SLC44A2: variants seen among roughly 807,000 people sequenced by gnomAD.
The protein encoded by SLC44A2 is solute carrier family 44 member 2 (CTL2 blood group).
In SLC44A2, 57 loss-of-function variants were observed where a neutral mutation model predicts 90.8. That is an observed-to-expected ratio of 0.63 (90% CI 0.51 to 0.78). The LOEUF (loss-of-function observed/expected upper bound fraction) is 0.78, where lower values mean the gene tolerates loss of function less well. Ranked by LOEUF, SLC44A2 falls within the 30% of genes least tolerant of loss-of-function variation. The pLI, the probability that SLC44A2 is intolerant of heterozygous loss-of-function variation, is 0.00. For missense variants in SLC44A2, 794 were observed against 919.7 expected (o/e 0.86, Z 1.77); for synonymous variants, 355 against 360.7 (o/e 0.98, Z 0.18).
chr19:10,617,084 G>A (rs2066861308), intron 1 of SLC44A2, among the ~76,000 whole-genome samples: 1 of 151,942 alleles, frequency 6.6e-6, no homozygotes, highest in Admixed American at 6.6e-5. Flanking sequence ...ACCACGCCCG[G>A]CTAATTTTTG....
At chr19:10,607,503 G>A (rs1599566720) in intron 1 of SLC44A2, among the ~76,000 whole-genome samples, 2 of 147,688 alleles carry the variant, frequency 1.4e-5, no homozygotes, top group African/African-American at 2.5e-5. Context: ...GGTGTGTGCC[G>A]TGATACTCAA....
At chr19:10,629,505 T>A (rs2066970901) in intron 4 of SLC44A2, among the ~76,000 whole-genome samples, 1 of 151,650 alleles carries the variant, frequency 6.6e-6, no homozygotes, top group Admixed American at 6.6e-5. Flanking sequence ...CTCGAACTCC[T>A]GACCTCAGGT....
At chr19:10,616,737 C>T (rs2066857969) in intron 1 of SLC44A2, among the ~76,000 whole-genome samples, 1 of 151,522 alleles carries the variant, frequency 6.6e-6, no homozygotes, top group Non-Finnish European at 1.5e-5. Context: ...TGGTGGTGGG[C>T]GCCTGTCTCA....
chr19:10,609,309 T>A (rs896255278), intron 1 of SLC44A2, among the ~76,000 whole-genome samples: 1 of 149,986 alleles, frequency 6.7e-6, no homozygotes, highest in African/African-American at 2.5e-5. Flanking sequence ...TGCTTTTTTC[T>A]TTTTTTTCAA....
intron 10 of SLC44A2, 34 bp downstream of exon 10, chr19:10,632,190 T>A: frequency 6.4e-7 from 1 of 1,560,152 alleles, no homozygotes; most frequent in Middle Eastern, 1.9e-4. Context: ...TTCTCTTTCC[T>A]GAATCCGCAC....
Position 10,638,546 on chromosome 19 carries a change from C to T in SLC44A2, c.1929+231C>T, listed in dbSNP as rs1034954836. 2.6e-5 allele frequency among the ~76,000 whole-genome samples: 4 copies of T among 151,982 alleles called. 1 individual carries two copies. Among genetic ancestry groups the T allele is most frequent in the Admixed American group, 2.0e-4 (3 of 15,228 alleles). ...GCAACCTCTGCCTTCCGGGTTCAAG[C>T]GAATTCTCGAGCTTTTGCCTCCCGA... On this transcript the variant is annotated intron_variant, in intron 20 of 21. Transcript: ENST00000335757.
intron 1 of SLC44A2, among the ~76,000 whole-genome samples, chr19:10,608,360 C>T (rs904556419): frequency 1.3e-5 from 2 of 151,990 alleles, no homozygotes; most frequent in African/African-American, 4.8e-5. Flanking sequence ...CCATGGCGCC[C>T]AGCACAATCT....
At chr19:10,630,296 G>A (rs2066979819) in intron 4 of SLC44A2, among the ~76,000 whole-genome samples, 1 of 151,896 alleles carries the variant, frequency 6.6e-6, no homozygotes, top group Non-Finnish European at 1.5e-5. Flanking sequence ...GCTGCAGTGA[G>A]CCAAGATTGT....
intron 21 of SLC44A2, chr19:10,643,039 G>T: frequency 6.6e-7 from 1 of 1,508,280 alleles, no homozygotes; most frequent in African/African-American, 1.4e-5. Context: ...AGACTGGCGT[G>T]GGGGCCAGGT....
chr19:10,620,174 TCAAAAA>T (rs2066886122), intron 1 of SLC44A2, among the ~76,000 whole-genome samples: 1 of 150,958 alleles, frequency 6.6e-6, no homozygotes, highest in Admixed American at 6.6e-5. Context: ...AGGCTTTGTC[TCAAAAA>T]CAAAAACAAA....
At chr19:10,627,022 A>G (rs1379083011) in intron 2 of SLC44A2, among the ~76,000 whole-genome samples, 1 of 151,932 alleles carries the variant, frequency 6.6e-6, no homozygotes, top group East Asian at 1.9e-4. Flanking sequence ...AAAAAAAATA[A>G]CAAAAAAATA....
In SLC44A2 at chr19:10,636,447, T is replaced by C; in HGVS notation, c.1358T>C (p.Phe453Ser). The C allele has an allele frequency of 6.2e-7, 1 of 1,614,008 alleles. No individual in the cohort carries two copies. The highest frequency in any genetic ancestry group is 8.5e-7 in the Non-Finnish European group (1 of 1,180,026). Reference sequence around the variant, plus strand: ...CTGCAGATCTTCAATGCCTTCATGTTCTTCTGGTTGGCCAACTTCGTGCTG... The same window carrying C: ...CTGCAGATCTTCAATGCCTTCATGTCCTTCTGGTTGGCCAACTTCGTGCTG... ...LGLQIFNAFM[F>S]FWLANFVLAL... Residue 453 changes from phenylalanine to serine, a missense_variant, in exon 15 of 22, where the codon TTC becomes TCC. By Grantham distance (155) the Phe-to-Ser change is radical. Around this residue, in one of 3 missense-constraint regions of SLC44A2, gnomAD observed 738 missense variants for 841.1 expected, o/e 0.88. Coordinates refer to ENST00000335757, the MANE Select transcript of SLC44A2 (RefSeq NM_020428.4).
At chr19:10,620,041 A>C (rs147239794) in intron 1 of SLC44A2, among the ~76,000 whole-genome samples, 2 of 151,994 alleles carry the variant, frequency 1.3e-5, no homozygotes, top group African/African-American at 4.8e-5. Flanking sequence ...AGCTGGGTGC[A>C]ATGGTGTGTG....
At position 10,643,336 on chromosome 19, in the gene SLC44A2, C is replaced by T. The variant is rs780730911; in HGVS notation, c.2072C>T (p.Thr691Ile). ...SAERPYFMSSTLKKLLNKTNK... is the reference protein window; with the variant it reads ...SAERPYFMSSILKKLLNKTNK... ...GAGAGGCCTTACTTCATGTCTTCCA[C>T]CCTCAAGAAACTCTTGAACAAGACC... The change falls in exon 22 of 22, where the codon ACC becomes ATC. Residue 691 changes from threonine (T) to isoleucine (I), a missense_variant. Thr to Ile is a moderately conservative substitution (Grantham distance 89). This residue lies in a region of SLC44A2 where 44 missense variants were observed against 43.9 expected (regional missense o/e 1.00). Coordinates refer to ENST00000335757, the MANE Select transcript of SLC44A2 (RefSeq NM_020428.4). 2 of 1,612,960 alleles carry T rather than the reference C, an allele frequency of 1.2e-6. No individual in the cohort carries two copies. The highest frequency in any genetic ancestry group is 1.3e-5 in the African/African-American group (1 of 75,036).
At chr19:10,604,477 A>T (rs1181507689) in intron 1 of SLC44A2, among the ~76,000 whole-genome samples, 1 of 152,198 alleles carries the variant, frequency 6.6e-6, no homozygotes, top group Non-Finnish European at 1.5e-5. Flanking sequence ...CTGGCCCATG[A>T]CGTCCCTGAT....
chr19:10,631,028 A>G, intron 4 of SLC44A2, 29 bp from the exon 5 acceptor site: 2 of 1,551,916 alleles, frequency 1.3e-6, no homozygotes, highest in Non-Finnish European at 1.8e-6. Context: ...AAATCTTAAC[A>G]GTTTCCATTC....
chr19:10,606,104 C>G (rs190706015), intron 1 of SLC44A2, among the ~76,000 whole-genome samples: 32 of 152,036 alleles, frequency 2.1e-4, no homozygotes, highest in African/African-American at 7.7e-4. Context: ...TTGAGACCAG[C>G]CTGGGCAATA....
Position 10,637,888 on chromosome 19 carries a change from G to A in SLC44A2, c.1728G>A (p.Ser576=), listed in dbSNP as rs1263153727. The A allele has an allele frequency of 8.1e-6, 13 of 1,614,004 alleles. No individual in the cohort carries two copies. The highest frequency in any genetic ancestry group is 3.3e-5 in the Admixed American group (2 of 59,988). Residue 576 remains serine, a synonymous_variant, in exon 18 of 22, where the codon TCG becomes TCA. Coordinates refer to ENST00000335757, the MANE Select transcript of SLC44A2 (RefSeq NM_020428.4). ...TCTACGGCACCAATTTCTGCACCTCGGCCAGGAATGCCTTCTTCCTGCTCA... is the reference window on the plus strand; with the variant it reads ...TCTACGGCACCAATTTCTGCACCTCAGCCAGGAATGCCTTCTTCCTGCTCA... The part of the protein sequence containing the change: ...IAIYGTNFCT[S]ARNAFFLLMR...
chr19:10,626,647 G>A (rs1002693267), intron 2 of SLC44A2, among the ~76,000 whole-genome samples: 1 of 150,424 alleles, frequency 6.6e-6, no homozygotes, highest in Non-Finnish European at 1.5e-5. Context: ...TCTCGACCTC[G>A]TGAGCTCAAA....
Sources: gnomAD v4.1 joint callset for allele counts (sites outside exome capture counted in the v4.1 genomes callset) on GRCh38, gnomAD v4.1.1 for gene constraint, gnomAD v4.1.1 regional missense constraint, MANE v1.5 for transcripts, NCBI Gene and HGNC (gene_info 2026-07-23, HGNC 2026-07-21) for gene names.